The following CD5 variants were observed in gnomAD, a reference collection of about 807,000 sequenced individuals.
CD5 encodes T-cell surface glycoprotein CD5.
CD5 carries 36 observed loss-of-function variants against 60.3 expected under a neutral mutation model. That is an observed-to-expected ratio of 0.60 (90% CI 0.46 to 0.79). The LOEUF (loss-of-function observed/expected upper bound fraction) is 0.79, where lower values mean the gene tolerates loss of function less well. CD5 is among the 30% of genes least tolerant of loss of function. The probability of loss-of-function intolerance (pLI) is 0.00; values close to 1 mark genes in which losing one functional copy is unlikely to be tolerated. For missense variants in CD5, 540 were observed against 630.6 expected, an observed-to-expected ratio of 0.86 and a Z score of 1.54; for synonymous variants, 230 against 257.6, an observed-to-expected ratio of 0.89 and a Z score of 1.03.
At chr11:61,120,667 CAA>C (rs1454599655) in intron 5 of CD5, among the ~76,000 whole-genome samples, 2 of 152,166 alleles carry the variant, frequency 1.3e-5, no homozygotes, top group African/African-American at 4.8e-5. Context: ...TTTATGTGCA[CAA>C]ATCTAGGAAT....
intron 1 of CD5, among the ~76,000 whole-genome samples, chr11:61,113,813 C>G (rs996893107): frequency 6.6e-6 from 1 of 152,196 alleles, no homozygotes; most frequent in African/African-American, 2.4e-5. Context: ...GGATTACAGG[C>G]ATGCATCACC....
intron 1 of CD5, among the ~76,000 whole-genome samples, chr11:61,107,240 A>C (rs532441243): frequency 1.3e-5 from 2 of 152,238 alleles, no homozygotes; most frequent in South Asian, 2.1e-4. Context: ...ACCTGAGGAG[A>C]AGCGTTGCAG....
At chr11:61,116,017 G>A (rs906379191) in intron 2 of CD5, among the ~76,000 whole-genome samples, 5 of 152,148 alleles carry the variant, frequency 3.3e-5, no homozygotes, top group South Asian at 2.1e-4. Context: ...GTTGAGACGC[G>A]CTCGTTCTCC....
At position 61,123,871 on chromosome 11, in the gene CD5, G is replaced by A. The variant is rs555994825; in HGVS notation, c.1226-13G>A. On this transcript the variant is annotated splice_polypyrimidine_tract_variant and intron_variant, in intron 7 of 10. Coordinates refer to ENST00000347785, the MANE Select transcript of CD5 (RefSeq NM_014207.4). ...CCCACCACTCTGATGTGCCTTTCTT[G>A]TCTCTTGCCCAGTCCGCCAGAAGAA... The A allele has an allele frequency of 1.5e-6, 2 of 1,367,648 alleles. No homozygotes were observed. Among genetic ancestry groups the A allele is most frequent in the Non-Finnish European group, 1.9e-6 (2 of 1,034,992 alleles). 84.7% of individuals were successfully genotyped at this position (1,367,648 alleles called of 1,614,324 possible). A position where few individuals can be genotyped will look rare whatever the true frequency, so the allele number is the denominator to read the frequency against.
At position 61,125,081 on chromosome 11, in the gene CD5, C is replaced by G; in HGVS notation, c.1329C>G (p.Asn443Lys). The change falls in exon 9 of 11, where the codon AAC becomes AAG. Residue 443 changes from asparagine (N) to lysine (K), a missense_variant. Transcript: ENST00000347785. ...CAACCGTCCGATCCCATGCTGAGAA[C>G]CCCACAGCCTCCCACGTGGATAACG... ...HTATVRSHAE[N>K]PTASHVDNEY... 6.2e-7 allele frequency: 1 copy of G among 1,613,956 alleles called. No homozygotes were observed.
intron 2 of CD5, among the ~76,000 whole-genome samples, chr11:61,117,632 G>A (rs190243879): frequency 1.9e-4 from 29 of 152,182 alleles, no homozygotes; most frequent in African/African-American, 6.5e-4. Flanking sequence ...AGGATTACAG[G>A]CGCCTGCCAC....
At chr11:61,101,521 A>T (rs1426282052), upstream of CD5, among the ~76,000 whole-genome samples, 1 of 151,892 alleles carries the variant, frequency 6.6e-6, no homozygotes, top group Non-Finnish European at 1.5e-5. Context: ...CAACATGGAG[A>T]TCACACACAC....
chr11:61,104,236 T>C lies in CD5; in HGVS notation c.55+1621T>C, dbSNP rs145814705. The stretch of plus-strand genomic sequence containing the variant: ...ACAATGCGGCCTCCAAAGGCAGGAT[T>C]ATCTCCCCAACACATGTGACAATGG... On this transcript the variant is annotated intron_variant, in intron 1 of 10. Transcript: ENST00000347785. Among the ~76,000 whole-genome samples the C allele has an allele frequency of 3.7e-3, 557 of 152,214 alleles. 2 individuals carry two copies. The highest frequency in any genetic ancestry group is 0.014 in the Middle Eastern group (4 of 294).
chr11:61,125,618 A>C, intron 9 of CD5, 133 bp from the exon 10 acceptor site: 2 of 583,864 alleles, frequency 3.4e-6, no homozygotes. Flanking sequence ...GATTTGATCA[A>C]AACAGATAAG....
chr11:61,119,115 A>C (rs1460117493), intron 4 of CD5, 119 bp from the exon 5 acceptor site: 2 of 1,179,930 alleles, frequency 1.7e-6, no homozygotes, highest in African/African-American at 3.1e-5. Flanking sequence ...GGACCCCATC[A>C]CCTCCCAAGG....
intron 2 of CD5, among the ~76,000 whole-genome samples, 192 bp from the exon 3 acceptor site, chr11:61,117,983 G>A (rs763236976): frequency 2.6e-5 from 4 of 152,144 alleles, no homozygotes; most frequent in Admixed American, 2.0e-4. Flanking sequence ...GTCTAGCTTC[G>A]GGGCTGCCTG....
chr11:61,116,605 A>C, intron 2 of CD5, among the ~76,000 whole-genome samples: 2 of 50,582 alleles, frequency 4.0e-5, no homozygotes, highest in Non-Finnish European at 4.0e-5. Flanking sequence ...CACACCACAC[A>C]CCACACACAT....
At chr11:61,112,900 C>T (rs867144149) in intron 1 of CD5, among the ~76,000 whole-genome samples, 8 of 152,180 alleles carry the variant, frequency 5.3e-5, no homozygotes, top group African/African-American at 1.7e-4. Context: ...AAAATTCAAC[C>T]GCCAGCTTGA....
the CD5 span, among the ~76,000 whole-genome samples, chr11:61,095,867 G>C: frequency 3.9e-4 from 60 of 152,352 alleles, 1 homozygote; most frequent in South Asian, 0.012. Flanking sequence ...ATAGCCCTGA[G>C]AATCAGCCCA....
intron 1 of CD5, among the ~76,000 whole-genome samples, chr11:61,112,838 C>CA (rs1371070107): frequency 2.0e-5 from 3 of 152,222 alleles, no homozygotes; most frequent in Non-Finnish European, 4.4e-5. Context: ...GACTTCATTA[C>CA]AAAGAGTCTT....
At position 61,119,399 on chromosome 11, in the gene CD5, T is replaced by A; in HGVS notation, c.629T>A (p.Leu210Ter). 1 of 1,614,110 alleles carries A rather than the reference T, an allele frequency of 6.2e-7. No homozygotes were observed. Among genetic ancestry groups the A allele is most frequent in the Non-Finnish European group, 8.5e-7 (1 of 1,180,008 alleles). ...AACAACCTCCAGTGTGGCTCCTTCT[T>A]GAAGCATCTGCCAGAGACTGAGGCA... ...LCNNLQCGSF[L>*]KHLPETEAGR... The change falls in exon 5 of 11, where the codon TTG (leucine) becomes TAG (stop). Residue 210 changes from leucine to a stop codon, truncating the protein, a stop_gained. Coordinates refer to ENST00000347785, the MANE Select transcript of CD5 (RefSeq NM_014207.4). LOFTEE classifies it high-confidence loss of function.
At chr11:61,123,167 T>G in intron 7 of CD5, 135 bp downstream of exon 7, 4 of 1,017,256 alleles carry the variant, frequency 3.9e-6, no homozygotes, top group Non-Finnish European at 2.8e-6. Context: ...CACCCAGCCT[T>G]CCCCTCTCCT....
At chr11:61,102,163 G>A (rs1016540776), upstream of CD5, among the ~76,000 whole-genome samples, 3 of 152,092 alleles carry the variant, frequency 2.0e-5, no homozygotes, top group East Asian at 1.9e-4. Flanking sequence ...CCTCAGGGAC[G>A]CCTGTCCTCA....
At chr11:61,114,630 A>C (rs1229003207) in intron 1 of CD5, among the ~76,000 whole-genome samples, 1 of 152,040 alleles carries the variant, frequency 6.6e-6, no homozygotes, top group Admixed American at 6.6e-5. Flanking sequence ...GAGGAGAGTG[A>C]TATCCTGTCT....
Sources: allele counts gnomAD v4.1 joint callset (sites outside exome capture counted in the v4.1 genomes callset), GRCh38; gene constraint gnomAD v4.1.1; transcripts MANE v1.5; gene names NCBI Gene and HGNC (gene_info 2026-07-23, HGNC 2026-07-21).